COBL: variants seen among roughly 807,000 people sequenced by gnomAD.
The protein encoded by COBL is protein cordon-bleu.
In COBL, 51 loss-of-function variants were observed where a neutral mutation model predicts 98.8. The observed-to-expected ratio is 0.52, with a 90% CI of 0.41 to 0.65. The LOEUF (loss-of-function observed/expected upper bound fraction) is 0.65, where lower values mean the gene tolerates loss of function less well. Among genes scored for constraint, COBL ranks in the 30% least tolerant of loss-of-function variants. The pLI is 0.00. For synonymous variants in COBL, 634 were observed against 651.7 expected (o/e 0.97, Z 0.41); for missense variants, 1,617 against 1,617.5 (o/e 1.00, Z 0.01).
At chr7:51,236,799 T>G (rs1356570599) in intron 1 of COBL, among the ~76,000 whole-genome samples, 1 of 152,154 alleles carries the variant, frequency 6.6e-6, no homozygotes, top group African/African-American at 2.4e-5. Flanking sequence ...CACGATGCAC[T>G]CAAAAAACAA....
intron 12 of COBL, among the ~76,000 whole-genome samples, chr7:51,019,779 T>C (rs117611172): frequency 0.02 from 3,068 of 152,344 alleles, 50 homozygotes; most frequent in Admixed American, 0.056. Flanking sequence ...CAGGTTTACA[T>C]TACGAGCAAC....
rs1787850829 is a variant in COBL at position 51,028,687 on chromosome 7, T to C, written c.2409A>G (p.Pro803=). 1 of 1,613,452 alleles carries C rather than the reference T, an allele frequency of 6.2e-7. No individual in the cohort carries two copies. Among genetic ancestry groups the C allele is most frequent in the Non-Finnish European group, 8.5e-7 (1 of 1,179,648 alleles). ...TGGGGTCTGCTTGGAGTCTGCTCTC[T>C]GGATTCTGCGTCTGCGTGGGCACAG... ...STPVPTQTQN[P]ESRLQADPKP... is the part of the protein sequence containing the mutation. Residue 803 remains proline, a synonymous_variant, in exon 10 of 13, where the codon CCA becomes CCG. Coordinates refer to ENST00000265136, the MANE Select transcript of COBL (RefSeq NM_015198.5).
At chr7:51,027,266 G>A (rs114659987) in intron 10 of COBL, among the ~76,000 whole-genome samples, 44 of 152,360 alleles carry the variant, frequency 2.9e-4, no homozygotes, top group African/African-American at 1.1e-3. Context: ...TGGGCAAGGC[G>A]TGTCCTACAA....
intron 5 of COBL, chr7:51,156,501 G>C (rs1786146117): frequency 2.0e-6 from 2 of 984,848 alleles, no homozygotes; most frequent in Non-Finnish European, 2.4e-6. Flanking sequence ...GTCATTCAAA[G>C]GAGTTACGCT....
intron 5 of COBL, among the ~76,000 whole-genome samples, chr7:51,142,340 T>G (rs575115251): frequency 1.3e-5 from 2 of 151,784 alleles, no homozygotes; most frequent in South Asian, 4.2e-4. Flanking sequence ...TGGCAAGACA[T>G]TTTCTTAAAA....
intron 7 of COBL, chr7:51,071,969 ACTTT>A (rs1396613574): frequency 6.6e-6 from 1 of 151,406 alleles, no homozygotes; most frequent in Non-Finnish European, 1.5e-5. Context: ...AATTTCTGTA[ACTTT>A]CTGTTTTTTT....
In COBL at chr7:51,314,231, T is replaced by A. The variant is rs115093525; in HGVS notation, c.41+2362A>T. Among the ~76,000 whole-genome samples, 734 of 152,338 alleles carry A rather than the reference T, an allele frequency of 4.8e-3. 3 individuals are homozygous for A. The highest frequency in any genetic ancestry group is 0.016 in the African/African-American group (683 of 41,578). On this transcript the variant is annotated intron_variant, in intron 1 of 12. Transcript: ENST00000265136. ...CTGCACCCAGTCTAGCTTGTTTCTA[T>A]ACAACACAAGGAGGAGTGGTAGTTT...
chr7:51,284,574 A>G (rs867334029), intron 1 of COBL, among the ~76,000 whole-genome samples: 4 of 152,018 alleles, frequency 2.6e-5, no homozygotes, highest in Middle Eastern at 3.4e-3. Flanking sequence ...CATGCCTGTA[A>G]TCCCAGCACT....
intron 6 of COBL, among the ~76,000 whole-genome samples, chr7:51,112,730 C>T (rs1466694481): frequency 6.6e-6 from 1 of 152,166 alleles, no homozygotes; most frequent in African/African-American, 2.4e-5. Flanking sequence ...CCTTGGGGTC[C>T]TTGCATAAGA....
intron 7 of COBL, chr7:51,070,683 A>G (rs2128922983): frequency 6.6e-6 from 1 of 152,362 alleles, no homozygotes; most frequent in East Asian, 1.9e-4. Flanking sequence ...AACAAACTGT[A>G]TCATTTTATG....
chr7:51,181,285 T>A (rs1180674083), intron 5 of COBL, among the ~76,000 whole-genome samples: 4 of 152,234 alleles, frequency 2.6e-5, no homozygotes. Flanking sequence ...CTTTTAATTA[T>A]CAGGCCCAGG....
chr7:51,207,232 C>T (rs373366962), intron 2 of COBL, among the ~76,000 whole-genome samples: 50 of 149,658 alleles, frequency 3.3e-4, no homozygotes, highest in Middle Eastern at 3.5e-3. Context: ...CTTGGTACAG[C>T]GGACATTTTT....
intron 1 of COBL, among the ~76,000 whole-genome samples, chr7:51,310,811 A>G (rs1802956502): frequency 6.6e-6 from 1 of 152,116 alleles, no homozygotes; most frequent in African/African-American, 2.4e-5. Context: ...GGCATGTGCC[A>G]CCAGCCCAGC....
chr7:51,037,455 G>T (rs1468142086), intron 8 of COBL, among the ~76,000 whole-genome samples: 2 of 152,230 alleles, frequency 1.3e-5, no homozygotes, highest in Non-Finnish European at 2.9e-5. Flanking sequence ...CAGATTAAGT[G>T]ATTCTTTAAC....
chr7:51,267,891 A>T (rs1484946831), intron 1 of COBL, among the ~76,000 whole-genome samples: 3 of 152,168 alleles, frequency 2.0e-5, no homozygotes, highest in Non-Finnish European at 4.4e-5. Flanking sequence ...GAACTTTGGA[A>T]AGAAACAACA....
chr7:51,213,464 A>G (rs975961883), intron 2 of COBL, among the ~76,000 whole-genome samples: 3 of 152,178 alleles, frequency 2.0e-5, no homozygotes, highest in Non-Finnish European at 4.4e-5. Flanking sequence ...TGGTCTGTGG[A>G]AAAACTGTCT....
intron 7 of COBL, among the ~76,000 whole-genome samples, chr7:51,057,599 T>C (rs1248764985): frequency 6.6e-6 from 1 of 152,104 alleles, no homozygotes; most frequent in Non-Finnish European, 1.5e-5. Context: ...GGGAAACTAG[T>C]ATAGAATTGT....
chr7:51,212,386 C>T (rs1057014708), intron 2 of COBL, among the ~76,000 whole-genome samples: 1 of 152,176 alleles, frequency 6.6e-6, no homozygotes, highest in Non-Finnish European at 1.5e-5. Context: ...AAGTAGGCAA[C>T]AGCAAAAGAC....
At chr7:51,171,709 TATA>T (rs1306892821) in intron 5 of COBL, among the ~76,000 whole-genome samples, 2 of 152,178 alleles carry the variant, frequency 1.3e-5, no homozygotes, top group Non-Finnish European at 2.9e-5. Context: ...CTTACAGTTT[TATA>T]ATCACATCAA....
Sources: gnomAD v4.1 joint callset for allele counts (sites outside exome capture counted in the v4.1 genomes callset) on GRCh38, gnomAD v4.1.1 for gene constraint, MANE v1.5 for transcripts, NCBI Gene and HGNC (gene_info 2026-07-23, HGNC 2026-07-21) for gene names.